The following TMEM144 variants were observed in gnomAD, a reference collection of about 807,000 sequenced individuals.
TMEM144 encodes the protein transmembrane protein 144.
A neutral mutation model predicts 43.6 loss-of-function variants in TMEM144; 39 were observed. The observed-to-expected ratio is 0.90, with a 90% CI of 0.69 to 1.17. The LOEUF (loss-of-function observed/expected upper bound fraction) is 1.17, where lower values mean the gene tolerates loss of function less well. Ranked by LOEUF, TMEM144 falls within the 50% of genes most tolerant of loss-of-function variation. The pLI is 0.00. For synonymous variants in TMEM144, 154 were observed against 133.6 expected (o/e 1.15, Z -1.06); for missense variants, 417 against 411.9 (o/e 1.01, Z -0.11).
intron 8 of TMEM144, among the ~76,000 whole-genome samples, chr4:158,235,924 T>C (rs1196533044): frequency 6.6e-6 from 1 of 152,200 alleles, no homozygotes; most frequent in Non-Finnish European, 1.5e-5. Context: ...TAGACAGTTA[T>C]ATAATTCCAG....
rs987309126 is a variant in TMEM144, at chr4:158,219,121, AT to A, written c.333-180del. Among the ~76,000 whole-genome samples the A allele has an allele frequency of 1.7e-4, 26 of 151,874 alleles. 1 individual carries two copies. The highest frequency in any genetic ancestry group is 1.5e-3 in the East Asian group (8 of 5,166). Reference sequence around the variant, plus strand: ...GAGCAAGCCTCCATCTCAAAAAAAAATTTTTTTTTAATTTAAAAAAATTGGA... The same window carrying A: ...GAGCAAGCCTCCATCTCAAAAAAAAATTTTTTTTAATTTAAAAAAATTGGA... On this transcript the variant is annotated intron_variant, in intron 5 of 12. Coordinates refer to ENST00000296529, the MANE Select transcript of TMEM144 (RefSeq NM_018342.5).
chr4:158,217,505 T>C, intron 5 of TMEM144, 85 bp downstream of exon 5: 2 of 958,104 alleles, frequency 2.1e-6, no homozygotes, highest in Non-Finnish European at 3.3e-6. Context: ...GAATAACATA[T>C]GATTCTTATT....
intron 12 of TMEM144, among the ~76,000 whole-genome samples, chr4:158,245,622 C>G (rs1415875182): frequency 6.6e-6 from 1 of 151,980 alleles, no homozygotes; most frequent in Non-Finnish European, 1.5e-5. Context: ...GGTCATATAA[C>G]CTAGCCCAAA....
chr4:158,228,940 C>G (rs1366036014), intron 6 of TMEM144, among the ~76,000 whole-genome samples: 1 of 152,086 alleles, frequency 6.6e-6, no homozygotes, highest in Non-Finnish European at 1.5e-5. Flanking sequence ...ATGGATTGAG[C>G]AAGCAGGGGG....
At chr4:158,241,477 G>A in intron 10 of TMEM144, 32 bp from the exon 11 acceptor site, 1 of 1,548,404 alleles carries the variant, frequency 6.5e-7, no homozygotes, top group Admixed American at 1.7e-5. Flanking sequence ...GGGGAACATG[G>A]TCTGCAAATG....
intron 6 of TMEM144, among the ~76,000 whole-genome samples, chr4:158,226,752 C>T (rs993727120): frequency 2.0e-5 from 3 of 152,124 alleles, no homozygotes; most frequent in Admixed American, 6.5e-5. Flanking sequence ...TCACAACTTT[C>T]GCCGACAATT....
intron 10 of TMEM144, among the ~76,000 whole-genome samples, chr4:158,241,214 G>A (rs1222219287): frequency 2.0e-5 from 3 of 151,588 alleles, no homozygotes; most frequent in Admixed American, 1.3e-4. Context: ...GATAATGTTC[G>A]GGTTCAGTAT....
At chr4:158,236,091 T>C (rs188693352) in intron 8 of TMEM144, among the ~76,000 whole-genome samples, 1 of 152,344 alleles carries the variant, frequency 6.6e-6, no homozygotes, top group African/African-American at 2.4e-5. Flanking sequence ...CAAATAAATA[T>C]GAAAATACAC....
At chr4:158,214,378 C>T (rs1321477994) in intron 3 of TMEM144, among the ~76,000 whole-genome samples, 1 of 152,208 alleles carries the variant, frequency 6.6e-6, no homozygotes, top group Non-Finnish European at 1.5e-5. Flanking sequence ...CTCTCTCCTC[C>T]ATCATGAGAT....
At chr4:158,237,464 G>T in intron 8 of TMEM144, 61 bp from the exon 9 acceptor site, 1 of 1,273,148 alleles carries the variant, frequency 7.9e-7, no homozygotes, top group Non-Finnish European at 1.1e-6. Context: ...GATTCCATTT[G>T]TGCGTTTGTC....
At position 158,217,409 on chromosome 4, in the gene TMEM144, G is replaced by A. The variant is rs1734281110; in HGVS notation, c.321G>A (p.Trp107Ter). 1.2e-6 allele frequency: 2 copies of A among 1,612,022 alleles called. No individual in the cohort carries two copies. The highest frequency in any genetic ancestry group is 1.7e-5 in the Admixed American group (1 of 59,890). The change falls in exon 5 of 13, where the codon TGG becomes TGA. Residue 107 changes from tryptophan to a stop codon, truncating the protein, a stop_gained. Coordinates refer to ENST00000296529, the MANE Select transcript of TMEM144 (RefSeq NM_018342.5). LOFTEE classifies it high-confidence loss of function. Reference protein sequence around the residue: ...IWGSFNALTGWASSRFGWFGL... With the variant: ...IWGSFNALTG ...GATCATTTAATGCCTTAACTGGCTGGGCAAGCTCAAGGTAATTCAAGTCAA... is the reference window on the plus strand; with the variant it reads ...GATCATTTAATGCCTTAACTGGCTGAGCAAGCTCAAGGTAATTCAAGTCAA...
At chr4:158,243,015 A>G (rs1279736261) in intron 11 of TMEM144, among the ~76,000 whole-genome samples, 1 of 152,212 alleles carries the variant, frequency 6.6e-6, no homozygotes, top group Non-Finnish European at 1.5e-5. Flanking sequence ...GGCCATGCTT[A>G]AACTCATATT....
intron 10 of TMEM144, among the ~76,000 whole-genome samples, chr4:158,241,121 A>G (rs1181042032): frequency 1.3e-5 from 2 of 150,792 alleles, no homozygotes; most frequent in East Asian, 3.9e-4. Flanking sequence ...CTTAAATACT[A>G]CAGGTTTTTT....
In TMEM144 at chr4:158,253,486, A is replaced by G. The variant is rs890567883; in HGVS notation, c.997A>G (p.Ile333Val). 8.7e-6 allele frequency: 14 copies of G among 1,613,772 alleles called. No individual in the cohort carries two copies. Among genetic ancestry groups the G allele is most frequent in the African/African-American group, 1.3e-5 (1 of 74,922 alleles). Residue 333 changes from isoleucine to valine, a missense_variant, in exon 13 of 13, where the codon ATC becomes GTC. Coordinates refer to ENST00000296529, the MANE Select transcript of TMEM144 (RefSeq NM_018342.5). Reference protein sequence around the residue: ...YLLMILAFCIILTGALCTAFS... With the variant: ...YLLMILAFCIVLTGALCTAFS... Reference sequence around the variant, plus strand: ...ATTAATGATACTTGCATTTTGCATCATCTTGACTGGAGCCTTATGCACTGC... The same window carrying G: ...ATTAATGATACTTGCATTTTGCATCGTCTTGACTGGAGCCTTATGCACTGC...
intron 12 of TMEM144, among the ~76,000 whole-genome samples, chr4:158,249,416 A>T (rs563259341): frequency 1.3e-5 from 2 of 152,350 alleles, no homozygotes; most frequent in East Asian, 3.9e-4. Context: ...ATCTTAGTAG[A>T]AATCCAAGTT....
At chr4:158,250,556 T>A (rs1269699536) in intron 12 of TMEM144, among the ~76,000 whole-genome samples, 1 of 152,158 alleles carries the variant, frequency 6.6e-6, no homozygotes, top group African/African-American at 2.4e-5. Context: ...CAGTTAGAAC[T>A]TCCCTTTCTG....
intron 6 of TMEM144, among the ~76,000 whole-genome samples, chr4:158,223,093 T>A (rs1160509040): frequency 6.6e-6 from 1 of 152,258 alleles, no homozygotes; most frequent in Non-Finnish European, 1.5e-5. Flanking sequence ...GGGACTCTTC[T>A]TTCTGATTTA....
chr4:158,240,177 G>A (rs926380320), intron 9 of TMEM144, 122 bp from the exon 10 acceptor site: 20 of 1,181,210 alleles, frequency 1.7e-5, no homozygotes, highest in South Asian at 4.6e-5. Context: ...GAGCCACTGC[G>A]CTCTGCCTAA....
chr4:158,227,009 T>A (rs1047993643), intron 6 of TMEM144, among the ~76,000 whole-genome samples: 1 of 152,174 alleles, frequency 6.6e-6, no homozygotes. Flanking sequence ...TGTTACACTG[T>A]TAACTTTTAG....
Sources: gnomAD v4.1 joint callset for allele counts (sites outside exome capture counted in the v4.1 genomes callset) on GRCh38, gnomAD v4.1.1 for gene constraint, MANE v1.5 for transcripts, NCBI Gene and HGNC (gene_info 2026-07-23, HGNC 2026-07-21) for gene names.